The following TNRC6B variants were observed in gnomAD, a reference collection of about 807,000 sequenced individuals.
The protein encoded by TNRC6B is trinucleotide repeat containing adaptor 6B.
TNRC6B carries 52 observed loss-of-function variants against 203.6 expected under a neutral mutation model. That is an observed-to-expected ratio of 0.26 (90% confidence interval 0.20 to 0.32). The LOEUF (loss-of-function observed/expected upper bound fraction) is 0.32, where lower values mean the gene tolerates loss of function less well. Among genes scored for constraint, TNRC6B ranks in the 10% least tolerant of loss-of-function variants. The probability of loss-of-function intolerance (pLI) is 1.00; values close to 1 mark genes in which losing one functional copy is unlikely to be tolerated. For synonymous variants in TNRC6B, 838 were observed against 845.7 expected (o/e 0.99, Z 0.16); for missense variants, 1,923 against 2,286.2 (o/e 0.84, Z 3.24).
At chr22:40,057,839 G>A (rs1186426657) in intron 1 of TNRC6B, among the ~76,000 whole-genome samples, 2 of 152,134 alleles carry the variant, frequency 1.3e-5, no homozygotes, top group African/African-American at 2.4e-5. Flanking sequence ...TGCTGATGGT[G>A]TCTCATGCTC....
At chr22:40,188,092 C>A (rs2069227088) in intron 1 of TNRC6B, among the ~76,000 whole-genome samples, 1 of 152,058 alleles carries the variant, frequency 6.6e-6, no homozygotes, top group Non-Finnish European at 1.5e-5. Context: ...GCCTGTAATC[C>A]CAGCCACTTG....
At chr22:40,299,554 A>C (rs1463556043) in intron 12 of TNRC6B, among the ~76,000 whole-genome samples, 1 of 151,890 alleles carries the variant, frequency 6.6e-6, no homozygotes, top group African/African-American at 2.4e-5. Context: ...GTCTTTTTTT[A>C]ACCTTTTTAT....
intron 19 of TNRC6B, among the ~76,000 whole-genome samples, chr22:40,314,801 T>G (rs1017759952): frequency 2.6e-5 from 4 of 152,250 alleles, no homozygotes; most frequent in South Asian, 2.1e-4. Context: ...ATTTCTTGAT[T>G]GTTTTTAAAG....
chr22:40,133,064 C>T (rs1387019909), intron 3 of TNRC6B, among the ~76,000 whole-genome samples: 1 of 146,202 alleles, frequency 6.8e-6, no homozygotes, highest in Non-Finnish European at 1.5e-5. Context: ...ATTCATGTGA[C>T]CTATTTTATT....
intron 3 of TNRC6B, 67 bp downstream of exon 3, chr22:40,251,267 A>T: frequency 7.8e-7 from 1 of 1,289,454 alleles, no homozygotes; most frequent in Non-Finnish European, 1.1e-6. Context: ...ACTGTTGCTG[A>T]CTCAGCCTCC....
At chr22:40,236,978 A>G (rs1234331401) in intron 1 of TNRC6B, among the ~76,000 whole-genome samples, 1 of 152,136 alleles carries the variant, frequency 6.6e-6, no homozygotes, top group Non-Finnish European at 1.5e-5. Context: ...CAGCCTGACC[A>G]ACATGGTGAA....
chr22:40,157,157 C>T (rs989726903), intron 4 of TNRC6B, among the ~76,000 whole-genome samples: 6 of 152,052 alleles, frequency 3.9e-5, no homozygotes, highest in African/African-American at 9.6e-5. Context: ...TTCCTCTCTC[C>T]GTCATAGAAT....
At chr22:40,061,626 TG>T (rs996068807) in intron 1 of TNRC6B, among the ~76,000 whole-genome samples, 24 of 150,448 alleles carry the variant, frequency 1.6e-4, no homozygotes, top group African/African-American at 6.0e-4. Flanking sequence ...CTTCTTTTTC[TG>T]CCTTCCTTTT....
intron 3 of TNRC6B, among the ~76,000 whole-genome samples, chr22:40,148,663 T>TC (rs60404307): frequency 3.6e-4 from 20 of 56,110 alleles, no homozygotes; most frequent in African/African-American, 3.0e-3. Context: ...TTGAATTATG[T>TC]TGAAATACGA....
At chr22:40,222,955 C>A (rs536324167) in intron 1 of TNRC6B, among the ~76,000 whole-genome samples, 1 of 151,810 alleles carries the variant, frequency 6.6e-6, no homozygotes, top group South Asian at 2.1e-4. Flanking sequence ...CCACGTCACC[C>A]AGGCTGGTCT....
At chr22:40,127,256 C>T (rs2068501592) in intron 3 of TNRC6B, among the ~76,000 whole-genome samples, 1 of 152,160 alleles carries the variant, frequency 6.6e-6, no homozygotes, top group Non-Finnish European at 1.5e-5. Context: ...GCCCCCTCTG[C>T]GGGGCTATGA....
At chr22:40,160,446 A>G (rs892617269) in intron 4 of TNRC6B, among the ~76,000 whole-genome samples, 1 of 144,934 alleles carries the variant, frequency 6.9e-6, no homozygotes, top group African/African-American at 2.6e-5. Context: ...ATTGCACTCC[A>G]GCCTGGGCAA....
At chr22:40,318,674 A>C (rs1405103483) in intron 21 of TNRC6B, among the ~76,000 whole-genome samples, 1 of 152,186 alleles carries the variant, frequency 6.6e-6, no homozygotes. Context: ...GAGTTGTCAC[A>C]CAATGTGATT....
intron 21 of TNRC6B, among the ~76,000 whole-genome samples, chr22:40,317,098 C>G (rs917301292): frequency 2.0e-5 from 3 of 152,190 alleles, no homozygotes; most frequent in African/African-American, 7.2e-5. Context: ...ACCTATACTT[C>G]CTATCCCTGA....
chr22:40,143,957 A>T (rs1478306121), intron 3 of TNRC6B, among the ~76,000 whole-genome samples: 1 of 152,262 alleles, frequency 6.6e-6, no homozygotes, highest in Admixed American at 6.5e-5. Context: ...CCAAATGGTT[A>T]TGAAAACACA....
intron 12 of TNRC6B, among the ~76,000 whole-genome samples, chr22:40,299,163 A>AC (rs1181596219): frequency 5.4e-5 from 8 of 149,120 alleles, no homozygotes; most frequent in Non-Finnish European, 4.5e-5. Context: ...AAAAACAAAA[A>AC]AAAAAAAAAA....
intron 1 of TNRC6B, among the ~76,000 whole-genome samples, chr22:40,110,921 C>T (rs1430303551): frequency 2.6e-5 from 4 of 152,136 alleles, no homozygotes; most frequent in Non-Finnish European, 4.4e-5. Context: ...GTTTATTCCA[C>T]AATAATTTAT....
chr22:40,180,556 A>T (rs2069118339), intron 1 of TNRC6B, among the ~76,000 whole-genome samples: 1 of 152,222 alleles, frequency 6.6e-6, no homozygotes, highest in Non-Finnish European at 1.5e-5. Flanking sequence ...GGCTCTGGTG[A>T]GTTGATAGCT....
rs539354617 is a variant in TNRC6B, at chr22:40,122,368, A to G, written c.-46-3404A>G. Among the ~76,000 whole-genome samples the G allele has an allele frequency of 1.2e-3, 178 of 152,308 alleles. 1 individual carries two copies. Among genetic ancestry groups the G allele is most frequent in the Middle Eastern group, 3.4e-3 (1 of 294 alleles). On this transcript the variant is annotated intron_variant, in intron 2 of 23. Coordinates refer to the TNRC6B transcript ENST00000301923. ...CTGGGCAGAGGGGCCGGGCTTAAAA[A>G]AAAAAGCTGTATTGGAGAATGTGAC...
Sources: gnomAD v4.1 joint callset for allele counts (sites outside exome capture counted in the v4.1 genomes callset) on GRCh38, gnomAD v4.1.1 for gene constraint, MANE v1.5 for transcripts, NCBI Gene and HGNC (gene_info 2026-07-23, HGNC 2026-07-21) for gene names.